The following GRK5 variants were observed in gnomAD, a reference collection of about 807,000 sequenced individuals.
The protein encoded by GRK5 is g protein-coupled receptor kinase GRK5.
GRK5 carries 40 observed loss-of-function variants against 78.4 expected under a neutral mutation model. That is an observed-to-expected ratio of 0.51 (90% CI 0.40 to 0.66). The LOEUF (loss-of-function observed/expected upper bound fraction) is 0.66, where lower values mean the gene tolerates loss of function less well. GRK5 is among the 30% of genes least tolerant of loss of function. The probability of loss-of-function intolerance (pLI) is 0.00; values close to 1 mark genes in which losing one functional copy is unlikely to be tolerated. For synonymous variants in GRK5, 289 were observed against 296.8 expected, an observed-to-expected ratio of 0.97 and a Z score of 0.27; for missense variants, 598 against 759.9, an observed-to-expected ratio of 0.79 and a Z score of 2.50.
intron 1 of GRK5, among the ~76,000 whole-genome samples, chr10:119,229,506 C>T (rs997802143): frequency 1.3e-5 from 2 of 152,130 alleles, no homozygotes. Flanking sequence ...GGTGCTTTAG[C>T]ATGTGCAAAA....
At chr10:119,291,403 T>C (rs1039450730) in intron 1 of GRK5, among the ~76,000 whole-genome samples, 3 of 152,114 alleles carry the variant, frequency 2.0e-5, no homozygotes, top group Non-Finnish European at 2.9e-5. Context: ...ACTGGCAGGA[T>C]CCTTTGTTCA....
intron 3 of GRK5, among the ~76,000 whole-genome samples, chr10:119,386,553 G>T (rs1008137405): frequency 1.3e-5 from 2 of 152,198 alleles, no homozygotes; most frequent in African/African-American, 4.8e-5. Flanking sequence ...GAAAGGAAAT[G>T]TGAGTCTGGC....
rs7099478 is a variant in GRK5 at position 119,431,674 on chromosome 10, C to A, written c.738+147C>A. On this transcript the variant is annotated intron_variant, in intron 8 of 15. Coordinates refer to ENST00000392870, the MANE Select transcript of GRK5 (RefSeq NM_005308.3). This position sits in a 1 kb window ranked among gnomAD's most constrained non-coding sequence, Gnocchi z 4.8. ...TGGCAGCGCTGAGCTACAGAAAGGC[C>A]GCAAGACATTCCTCCATCACACGGC... 0.53 allele frequency: 496,314 copies of A among 942,410 alleles called. 135,137 individuals are homozygous for A. The highest frequency in any genetic ancestry group is 0.69 in the African/African-American group (40,657 of 59,282). The allele number at this position is 942,410 out of a possible 1,614,324, so 58.4% of individuals were successfully genotyped here.
intron 8 of GRK5, among the ~76,000 whole-genome samples, chr10:119,435,006 T>C (rs1055146497): frequency 6.6e-6 from 1 of 152,232 alleles, no homozygotes; most frequent in South Asian, 2.1e-4. Flanking sequence ...CTGCCAAGGC[T>C]TGGGGCTTCC....
intron 4 of GRK5, among the ~76,000 whole-genome samples, chr10:119,420,627 G>A (rs1190830674): frequency 6.8e-6 from 1 of 147,782 alleles, no homozygotes; most frequent in Non-Finnish European, 1.5e-5. Flanking sequence ...TGCCTAGGCT[G>A]TAGTGCAGTG....
chr10:119,229,874 G>A (rs760647483), intron 1 of GRK5, among the ~76,000 whole-genome samples: 5 of 152,166 alleles, frequency 3.3e-5, no homozygotes, highest in African/African-American at 9.7e-5. Context: ...CAATGCATTA[G>A]GTTTCATTGT....
intron 1 of GRK5, among the ~76,000 whole-genome samples, chr10:119,268,597 G>A (rs995008854): frequency 1.3e-5 from 2 of 152,246 alleles, no homozygotes; most frequent in Non-Finnish European, 2.9e-5. Context: ...CTGAGCCTCT[G>A]TGTTTTCATC....
At chr10:119,398,586 C>T (rs760652124) in intron 4 of GRK5, among the ~76,000 whole-genome samples, 1 of 152,160 alleles carries the variant, frequency 6.6e-6, no homozygotes, top group Non-Finnish European at 1.5e-5. Context: ...TCACATGTGT[C>T]CCCCCCAAAC....
intron 1 of GRK5, among the ~76,000 whole-genome samples, chr10:119,303,144 G>T (rs2133724515): frequency 6.6e-6 from 1 of 152,258 alleles, no homozygotes; most frequent in Non-Finnish European, 1.5e-5. Context: ...CAGTGACCAG[G>T]GCATATGCAG....
chr10:119,452,604 G>A lies in GRK5; in HGVS notation c.1405-67G>A. The A allele has an allele frequency of 6.3e-7, 1 of 1,597,794 alleles. No individual in the cohort carries two copies. The highest frequency in any genetic ancestry group is 8.5e-7 in the Non-Finnish European group (1 of 1,169,930). On this transcript the variant is annotated intron_variant, in intron 13 of 15. Transcript: ENST00000392870. This position sits in a 1 kb window ranked among gnomAD's most constrained non-coding sequence, Gnocchi z 4.4. ...TCCCTTCTGCTCCCCAAAACCCCAAGGCCTGGCTCGGGGCCACTGGAGCCG... is the reference window on the plus strand; with the variant it reads ...TCCCTTCTGCTCCCCAAAACCCCAAAGCCTGGCTCGGGGCCACTGGAGCCG...
intron 1 of GRK5, among the ~76,000 whole-genome samples, chr10:119,241,378 T>C (rs1354283530): frequency 6.6e-6 from 1 of 152,210 alleles, no homozygotes; most frequent in African/African-American, 2.4e-5. Flanking sequence ...GTGCACTCTC[T>C]TCCCAGCCCT....
intron 10 of GRK5, among the ~76,000 whole-genome samples, chr10:119,440,037 C>T (rs964866799): frequency 3.3e-5 from 5 of 152,120 alleles, no homozygotes; most frequent in South Asian, 2.1e-4. Context: ...AACTTCTGGC[C>T]GGGCGTGGTC....
intron 1 of GRK5, among the ~76,000 whole-genome samples, chr10:119,263,733 C>T (rs1849449034): frequency 6.6e-6 from 1 of 152,052 alleles, no homozygotes; most frequent in African/African-American, 2.4e-5. Context: ...ACCGTACTGG[C>T]TAACATGGTG....
intron 9 of GRK5, among the ~76,000 whole-genome samples, chr10:119,437,245 C>T (rs1436342190): frequency 6.6e-6 from 1 of 152,194 alleles, no homozygotes; most frequent in East Asian, 1.9e-4. Context: ...GGTCGGGTCA[C>T]TGCCCACAAG....
intron 2 of GRK5, among the ~76,000 whole-genome samples, chr10:119,363,279 CAA>C (rs373115186): frequency 4.6e-5 from 6 of 130,460 alleles, no homozygotes; most frequent in Admixed American, 8.0e-5. Context: ...GAAACTGTCT[CAA>C]AAAAAAAAAA....
Position 119,240,160 on chromosome 10 carries a change from C to T in GRK5, c.52+32191C>T, listed in dbSNP as rs528717648. On this transcript the variant is annotated intron_variant, in intron 1 of 15. Transcript: ENST00000392870. Reference sequence around the variant, plus strand: ...ACAGTGTAAAAGCATTCCTATTTCTCCACATCCTCTCCAGCATCTGTTTCC... The same window carrying T: ...ACAGTGTAAAAGCATTCCTATTTCTTCACATCCTCTCCAGCATCTGTTTCC... 4.9e-4 allele frequency among the ~76,000 whole-genome samples: 74 copies of T among 150,884 alleles called. 1 individual carries two copies. The highest frequency in any genetic ancestry group is 3.5e-3 in the Middle Eastern group (1 of 288).
At chr10:119,274,036 G>A (rs933487478) in intron 1 of GRK5, among the ~76,000 whole-genome samples, 14 of 152,140 alleles carry the variant, frequency 9.2e-5, no homozygotes, top group Non-Finnish European at 1.9e-4. Flanking sequence ...GTCAACTACC[G>A]CGCCTGGCCT....
intron 2 of GRK5, among the ~76,000 whole-genome samples, chr10:119,354,632 G>C (rs1851239313): frequency 6.6e-6 from 1 of 152,018 alleles, no homozygotes; most frequent in South Asian, 2.1e-4. Flanking sequence ...AAACTCCTAG[G>C]CTCAAGTGAT....
intron 1 of GRK5, among the ~76,000 whole-genome samples, chr10:119,324,079 C>T (rs1296720753): frequency 1.3e-5 from 2 of 152,210 alleles, no homozygotes; most frequent in Non-Finnish European, 2.9e-5. Flanking sequence ...GATCCTTGCT[C>T]CTGCTCCCGT....
Sources: gnomAD v4.1 joint callset for allele counts (sites outside exome capture counted in the v4.1 genomes callset) on GRCh38, gnomAD v4.1.1 for gene constraint, Gnocchi (gnomAD v3.1) non-coding constraint, MANE v1.5 for transcripts, NCBI Gene and HGNC (gene_info 2026-07-23, HGNC 2026-07-21) for gene names.